CRTC1: variants seen among roughly 807,000 people sequenced by gnomAD.
CRTC1 encodes the protein CREB regulated transcription coactivator 1.
A neutral mutation model predicts 66.1 loss-of-function variants in CRTC1; 18 were observed. The ratio of observed to expected loss-of-function variants is 0.27; its 90% CI spans 0.19 to 0.40. CRTC1 has a LOEUF of 0.40. Among genes scored for constraint, CRTC1 ranks in the 10% least tolerant of loss-of-function variants. The pLI, the probability that CRTC1 is intolerant of heterozygous loss-of-function variation, is 1.00. For synonymous variants in CRTC1, 416 were observed against 398.8 expected, an observed-to-expected ratio of 1.04 and a Z score of -0.51; for missense variants, 669 against 887.9, an observed-to-expected ratio of 0.75 and a Z score of 3.13.
At chr19:18,744,132 C>G (rs746121895) in intron 2 of CRTC1, 17 of 1,612,492 alleles carry the variant, frequency 1.1e-5, no homozygotes, top group Non-Finnish European at 1.3e-5. Flanking sequence ...GGGGGAGGCC[C>G]TGGCAGCGGC....
At chr19:18,686,804 T>C (rs2052693899) in intron 1 of CRTC1, among the ~76,000 whole-genome samples, 1 of 151,986 alleles carries the variant, frequency 6.6e-6, no homozygotes, top group African/African-American at 2.4e-5. Flanking sequence ...AGCATTGTTC[T>C]CTTTCTGGGG....
intron 1 of CRTC1, among the ~76,000 whole-genome samples, chr19:18,721,226 C>G (rs887227285): frequency 2.7e-5 from 4 of 149,924 alleles, no homozygotes; most frequent in African/African-American, 9.9e-5. Context: ...CGGAGTCTCG[C>G]TCTGTCGTCC....
At chr19:18,756,320 C>T (rs889997775) in intron 6 of CRTC1, among the ~76,000 whole-genome samples, 11 of 87,496 alleles carry the variant, frequency 1.3e-4, no homozygotes, top group Non-Finnish European at 1.6e-4. Context: ...GCACCAAGAG[C>T]GAAAACTCCA....
intron 8 of CRTC1, among the ~76,000 whole-genome samples, chr19:18,765,089 C>T (rs898015874): frequency 1.4e-4 from 21 of 152,308 alleles, no homozygotes; most frequent in African/African-American, 4.8e-4. Context: ...TGGGAAGGCT[C>T]TCATTGGGCC....
Position 18,771,355 on chromosome 19 carries a change from G to A in CRTC1, c.1321-87G>A, listed in dbSNP as rs1601010470. On this transcript the variant is annotated intron_variant, in intron 10 of 13. Coordinates refer to ENST00000321949, the MANE Select transcript of CRTC1 (RefSeq NM_015321.3). The surrounding 1 kb of genome is among the most constrained non-coding windows in gnomAD (Gnocchi z 4.6). ...GAGGGGCGGGGGGACCTGCCTGGGG[G>A]CTGATCAGGCTGCTCCCGGGAAGCA... 1.7e-6 allele frequency: 2 copies of A among 1,155,434 alleles called. No homozygotes were observed. Among genetic ancestry groups the A allele is most frequent in the South Asian group, 1.5e-5 (1 of 66,688 alleles). The allele number at this position is 1,155,434 out of a possible 1,614,324, so 71.6% of individuals were successfully genotyped here.
At chr19:18,761,188 C>T (rs985170187) in intron 8 of CRTC1, among the ~76,000 whole-genome samples, 79 of 152,250 alleles carry the variant, frequency 5.2e-4, no homozygotes, top group African/African-American at 1.5e-3. Flanking sequence ...GCAAGGCCGT[C>T]CCGGCCCTGG....
At chr19:18,706,397 G>T (rs2053267547) in intron 1 of CRTC1, among the ~76,000 whole-genome samples, 1 of 151,148 alleles carries the variant, frequency 6.6e-6, no homozygotes, top group South Asian at 2.1e-4. Flanking sequence ...GTAGAGATGG[G>T]GTTTCACCAT....
rs764247552 is a variant in CRTC1 at position 18,777,193 on chromosome 19, C to T, written c.1716C>T (p.Ser572=). 44 of 1,571,334 alleles carry T rather than the reference C, an allele frequency of 2.8e-5. No individual in the cohort carries two copies. The Admixed American group carries it at 6.7e-4, about 24-fold the overall frequency. The change falls in exon 14 of 14, where the codon AGC becomes AGT. Residue 572 remains serine, a synonymous_variant. Coordinates refer to ENST00000321949, the MANE Select transcript of CRTC1 (RefSeq NM_015321.3). The surrounding 1 kb of genome is among the most constrained non-coding windows in gnomAD (Gnocchi z 5.5). The part of the protein sequence containing the change: ...ILTVTGESPP[S]LSKELTSSLA... ...CAGTGACAGGAGAGTCCCCCCCCAG[C>T]CTCTCTAAAGAACTGACCAGCTCTC... is the stretch of plus-strand genomic sequence containing the variant.
chr19:18,763,677 A>T (rs1451762589), intron 8 of CRTC1, among the ~76,000 whole-genome samples: 1 of 152,232 alleles, frequency 6.6e-6, no homozygotes, highest in Non-Finnish European at 1.5e-5. Flanking sequence ...CAGACAGCCC[A>T]GTGGCCATGG....
At chr19:18,698,868 CTG>C (rs755990022) in intron 1 of CRTC1, among the ~76,000 whole-genome samples, 13 of 150,406 alleles carry the variant, frequency 8.6e-5, no homozygotes, top group Non-Finnish European at 1.9e-4. Flanking sequence ...CAAGTGCACA[CTG>C]TGTACTCAGT....
chr19:18,775,089 G>A (rs1008853890), intron 12 of CRTC1, 103 bp downstream of exon 12: 35 of 1,160,508 alleles, frequency 3.0e-5, no homozygotes, highest in Non-Finnish European at 4.0e-5. Flanking sequence ...GCACGTGCTC[G>A]GGGGGCCCGT....
At chr19:18,684,086 G>A (rs1479276095) in intron 1 of CRTC1, among the ~76,000 whole-genome samples, 1 of 152,014 alleles carries the variant, frequency 6.6e-6, no homozygotes, top group South Asian at 2.1e-4. Context: ...GGAGACAGGG[G>A]CCTCTATATC....
chr19:18,762,697 TC>T (rs1484428730), intron 8 of CRTC1, among the ~76,000 whole-genome samples: 1 of 152,134 alleles, frequency 6.6e-6, no homozygotes, highest in Non-Finnish European at 1.5e-5. Flanking sequence ...GCTCCAGACT[TC>T]CCCTCCAGCT....
chr19:18,763,782 C>T (rs2054667122), intron 8 of CRTC1, among the ~76,000 whole-genome samples: 1 of 152,244 alleles, frequency 6.6e-6, no homozygotes, highest in African/African-American at 2.4e-5. Flanking sequence ...TCACACGCTC[C>T]TGACGTTTGC....
intron 7 of CRTC1, 138 bp from the exon 8 acceptor site, chr19:18,759,870 A>G (rs955131671): frequency 3.9e-6 from 3 of 768,966 alleles, no homozygotes; most frequent in Admixed American, 5.1e-5. Context: ...GTGCCAGCCA[A>G]CAGTGGTTTC....
intron 1 of CRTC1, among the ~76,000 whole-genome samples, chr19:18,729,847 A>G (rs529311864): frequency 4.1e-4 from 62 of 152,246 alleles, no homozygotes; most frequent in African/African-American, 1.4e-3. Context: ...GGTGGTGTCC[A>G]CACTCCTTAT....
chr19:18,710,250 C>T (rs912955405), intron 1 of CRTC1, among the ~76,000 whole-genome samples: 9 of 152,238 alleles, frequency 5.9e-5, no homozygotes, highest in Non-Finnish European at 8.8e-5. Context: ...CCCAGCTGCC[C>T]GGCCCATGCC....
intron 13 of CRTC1, among the ~76,000 whole-genome samples, chr19:18,776,640 G>A (rs902083311): frequency 1.3e-5 from 2 of 152,202 alleles, no homozygotes; most frequent in South Asian, 2.1e-4. Context: ...TCTGACCCCC[G>A]CAATGGCCTC....
intron 1 of CRTC1, among the ~76,000 whole-genome samples, chr19:18,729,697 C>A (rs1297357157): frequency 6.6e-6 from 1 of 152,272 alleles, no homozygotes; most frequent in Middle Eastern, 3.4e-3. Flanking sequence ...GCCATGATTA[C>A]ACCACTGCAC....
Sources: gnomAD v4.1 joint callset for allele counts (sites outside exome capture counted in the v4.1 genomes callset) on GRCh38, gnomAD v4.1.1 for gene constraint, Gnocchi (gnomAD v3.1) non-coding constraint, MANE v1.5 for transcripts, NCBI Gene and HGNC (gene_info 2026-07-23, HGNC 2026-07-21) for gene names.